The following DLC1 variants were observed in gnomAD, a reference collection of about 807,000 sequenced individuals.
DLC1 encodes the protein rho GTPase-activating protein 7.
A neutral mutation model predicts 140.3 loss-of-function variants in DLC1; 54 were observed. The observed-to-expected ratio is 0.38, with a 90% CI of 0.31 to 0.48. The LOEUF is 0.48. Ranked by LOEUF, DLC1 falls within the 20% of genes least tolerant of loss-of-function variation. DLC1 has a pLI of 0.96. For missense variants in DLC1, 2,536 were observed against 1,907.0 expected (o/e 1.33, Z -6.14); for synonymous variants, 986 against 728.1 (o/e 1.35, Z -5.70).
Position 13,164,328 on chromosome 8 carries a change from A to ATCTG in DLC1, c.1349-48675_1349-48672dup, listed in dbSNP as rs1190026067. On this transcript the variant is annotated intron_variant, in intron 5 of 17. Transcript: ENST00000276297. ...AAAAAATCTCTATATCTATCTATCT[A>ATCTG]TCTGTCTGTCTGTCTGTCTGTCTCT... Among the ~76,000 whole-genome samples, 18 of 147,216 alleles carry ATCTG rather than the reference A, an allele frequency of 1.2e-4. No homozygotes were observed. The South Asian group carries it at 1.9e-3, about 16-fold the overall frequency.
At position 13,437,592 on chromosome 8, in the gene DLC1, G is replaced by C. The variant is rs1315410469; in HGVS notation, c.1024-35973C>G. Among the ~76,000 whole-genome samples, 3 of 152,078 alleles carry C rather than the reference G, an allele frequency of 2.0e-5. No individual in the cohort carries two copies. The East Asian group carries it at 5.8e-4, about 29-fold the overall frequency. On this transcript the variant is annotated intron_variant, in intron 2 of 17. Coordinates refer to ENST00000276297, the MANE Select transcript of DLC1 (RefSeq NM_182643.3). ...ACCTCATTTAATGGCTATGCCTGAG[G>C]CTATGAAGGTCGGTCCACATGCTTA...
intron 5 of DLC1, among the ~76,000 whole-genome samples, chr8:13,189,913 C>T (rs1826646931): frequency 6.6e-6 from 1 of 151,908 alleles, no homozygotes; most frequent in Non-Finnish European, 1.5e-5. Flanking sequence ...CACTCTTGGC[C>T]CTGGCTTCCC....
chr8:13,438,038 C>G (rs1212541694), intron 2 of DLC1, among the ~76,000 whole-genome samples: 1 of 146,158 alleles, frequency 6.8e-6, no homozygotes, highest in Non-Finnish European at 1.5e-5. Flanking sequence ...TTTTTTTTTA[C>G]AGTACCATAC....
intron 1 of DLC1, among the ~76,000 whole-genome samples, chr8:13,587,787 A>G (rs576336790): frequency 2.0e-5 from 3 of 152,012 alleles, no homozygotes; most frequent in East Asian, 3.9e-4. Flanking sequence ...GTGCTAGTCA[A>G]TCTTTCAAGT....
chr8:13,197,519 T>A (rs56854534), intron 5 of DLC1, among the ~76,000 whole-genome samples: 16,598 of 151,798 alleles, frequency 0.11, 1,791 homozygotes, highest in East Asian at 0.31. Context: ...GCTAATTTTT[T>A]GTATTTTTAG....
chr8:13,341,389 C>G (rs554506856), intron 4 of DLC1: 1 of 152,138 alleles, frequency 6.6e-6, no homozygotes, highest in Admixed American at 6.6e-5. Flanking sequence ...TTCTTGAACT[C>G]CAGCGTGCGT....
At chr8:13,382,379 C>A (rs906776965) in intron 4 of DLC1, among the ~76,000 whole-genome samples, 2 of 150,392 alleles carry the variant, frequency 1.3e-5, no homozygotes, top group African/African-American at 4.9e-5. Context: ...AGGTGGCGGG[C>A]GCCTGTAGTC....
At chr8:13,584,446 G>A (rs919715642) in intron 1 of DLC1, 2 of 152,376 alleles carry the variant, frequency 1.3e-5, no homozygotes, top group African/African-American at 4.8e-5. Flanking sequence ...ATTTCTTGGA[G>A]AGTATCAATG....
intron 5 of DLC1, chr8:13,133,227 G>A: frequency 3.5e-6 from 5 of 1,411,584 alleles, no homozygotes; most frequent in Non-Finnish European, 4.6e-6. Context: ...TCCTGATGCG[G>A]AGAGGTGCGG....
intron 3 of DLC1, among the ~76,000 whole-genome samples, chr8:13,394,529 T>C (rs933291130): frequency 5.3e-5 from 8 of 152,040 alleles, no homozygotes; most frequent in Non-Finnish European, 7.4e-5. Context: ...GAGTTATAGG[T>C]GGTTTGGTTG....
chr8:13,297,518 A>T (rs1468346207), intron 5 of DLC1, among the ~76,000 whole-genome samples: 2 of 151,976 alleles, frequency 1.3e-5, no homozygotes, highest in Non-Finnish European at 2.9e-5. Flanking sequence ...TGGCTTTGGG[A>T]ATGTCATGCA....
intron 5 of DLC1, among the ~76,000 whole-genome samples, chr8:13,140,231 T>A (rs10110779): frequency 0.17 from 25,722 of 152,120 alleles, 2,314 homozygotes; most frequent in Non-Finnish European, 0.21. Flanking sequence ...TCTATATCTA[T>A]ATCTATCTAT....
chr8:13,395,181 C>T (rs1053317866), intron 3 of DLC1, among the ~76,000 whole-genome samples: 44 of 151,456 alleles, frequency 2.9e-4, no homozygotes, highest in African/African-American at 8.7e-4. Flanking sequence ...AGTGCAATGG[C>T]GCAATCTTGG....
At chr8:13,531,638 T>C (rs1803101757) in intron 1 of DLC1, among the ~76,000 whole-genome samples, 1 of 152,086 alleles carries the variant, frequency 6.6e-6, no homozygotes, top group South Asian at 2.1e-4. Flanking sequence ...TTATGAATAA[T>C]AGTAATAACA....
At chr8:13,600,413 G>C (rs906555655) in intron 1 of DLC1, among the ~76,000 whole-genome samples, 1 of 151,826 alleles carries the variant, frequency 6.6e-6, no homozygotes, top group African/African-American at 2.4e-5. Flanking sequence ...GAAATGTATG[G>C]TTATTCGTGT....
chr8:13,418,009 C>T (rs1185058203), intron 2 of DLC1, among the ~76,000 whole-genome samples: 4 of 152,114 alleles, frequency 2.6e-5, no homozygotes, highest in African/African-American at 9.7e-5. Flanking sequence ...GCATAAATGT[C>T]TTCTTTTGAG....
chr8:13,106,329 T>C (rs550550445), intron 7 of DLC1, among the ~76,000 whole-genome samples: 48 of 152,312 alleles, frequency 3.2e-4, no homozygotes, highest in African/African-American at 1.1e-3. Context: ...ATCTGTGCAA[T>C]TGCTTTAAAA....
intron 5 of DLC1, among the ~76,000 whole-genome samples, chr8:13,136,115 G>C (rs948605515): frequency 1.3e-5 from 2 of 152,210 alleles, no homozygotes; most frequent in African/African-American, 4.8e-5. Context: ...ACGCTTAAGA[G>C]AATGGTGGTT....
At chr8:13,136,012 T>C (rs752621735) in intron 5 of DLC1, among the ~76,000 whole-genome samples, 1 of 152,370 alleles carries the variant, frequency 6.6e-6, no homozygotes, top group East Asian at 1.9e-4. Flanking sequence ...CTTTGGTCTA[T>C]TGACACAGCC....
Sources: allele counts gnomAD v4.1 joint callset (sites outside exome capture counted in the v4.1 genomes callset), GRCh38; gene constraint gnomAD v4.1.1; transcripts MANE v1.5; gene names NCBI Gene and HGNC (gene_info 2026-07-23, HGNC 2026-07-21).